PALM2AKAP2: variants seen among roughly 807,000 people sequenced by gnomAD.
PALM2AKAP2 encodes PALM2-AKAP2 fusion protein.
A neutral mutation model predicts 71.5 loss-of-function variants in PALM2AKAP2; 37 were observed. The observed-to-expected ratio is 0.52, with a 90% CI of 0.40 to 0.68. PALM2AKAP2 has a LOEUF of 0.68. Ranked by LOEUF, PALM2AKAP2 falls within the 30% of genes least tolerant of loss-of-function variation. The probability of loss-of-function intolerance (pLI) is 0.00; values close to 1 mark genes in which losing one functional copy is unlikely to be tolerated. For synonymous variants in PALM2AKAP2, 468 were observed against 478.8 expected (o/e 0.98, Z 0.29); for missense variants, 1,224 against 1,191.8 (o/e 1.03, Z -0.40).
At chr9:110,042,585 A>T (rs1009870730) in intron 7 of PALM2AKAP2, among the ~76,000 whole-genome samples, 1 of 152,218 alleles carries the variant, frequency 6.6e-6, no homozygotes, top group Non-Finnish European at 1.5e-5. Flanking sequence ...TAGAGTAAGC[A>T]AATGATCTTT....
At chr9:110,100,173 G>A (rs1243087357) in intron 1 of PALM2AKAP2, among the ~76,000 whole-genome samples, 1 of 150,612 alleles carries the variant, frequency 6.6e-6, no homozygotes, top group Non-Finnish European at 1.5e-5. Context: ...TTTATGAAGG[G>A]TAAGAAATTC....
intron 1 of PALM2AKAP2, among the ~76,000 whole-genome samples, chr9:109,660,923 A>G (rs1167134108): frequency 1.3e-5 from 2 of 152,138 alleles, no homozygotes; most frequent in Non-Finnish European, 2.9e-5. Flanking sequence ...ACCAGTGATG[A>G]TGAGCATTTT....
chr9:110,058,922 A>C (rs1833903308), intron 1 of PALM2AKAP2, among the ~76,000 whole-genome samples: 1 of 77,686 alleles, frequency 1.3e-5, no homozygotes, highest in Non-Finnish European at 2.4e-5. Context: ...TTTTTTTGAG[A>C]TGGAGTCTTA....
At chr9:109,837,656 T>C (rs1828519058) in intron 1 of PALM2AKAP2, among the ~76,000 whole-genome samples, 1 of 151,972 alleles carries the variant, frequency 6.6e-6, no homozygotes, top group Non-Finnish European at 1.5e-5. Flanking sequence ...GAGACACACA[T>C]AGGCTCAAAA....
intron 2 of PALM2AKAP2, among the ~76,000 whole-genome samples, chr9:109,879,699 GTT>G (rs369185975): frequency 0.34 from 45,809 of 135,022 alleles, 7,157 homozygotes; most frequent in Non-Finnish European, 0.41. Context: ...GGGATGTATG[GTT>G]TTTTTTTTTT....
chr9:110,042,990 G>A (rs1833534272), intron 7 of PALM2AKAP2, among the ~76,000 whole-genome samples: 1 of 152,014 alleles, frequency 6.6e-6, no homozygotes, highest in Admixed American at 6.5e-5. Context: ...GCAAATACTA[G>A]GTCTTATTCA....
At chr9:110,058,656 C>T (rs568558803) in intron 1 of PALM2AKAP2, among the ~76,000 whole-genome samples, 1 of 152,144 alleles carries the variant, frequency 6.6e-6, no homozygotes. Context: ...GTTTCTTACT[C>T]AACTCCTTCA....
chr9:109,713,850 T>C (rs1828277689), intron 1 of PALM2AKAP2, among the ~76,000 whole-genome samples: 2 of 152,182 alleles, frequency 1.3e-5, no homozygotes, highest in African/African-American at 4.8e-5. Flanking sequence ...ACATATTACA[T>C]TTTTCAAAGC....
At chr9:109,856,181 C>T (rs1829159814) in intron 1 of PALM2AKAP2, among the ~76,000 whole-genome samples, 1 of 151,976 alleles carries the variant, frequency 6.6e-6, no homozygotes, top group African/African-American at 2.4e-5. Context: ...AGCAGTTCTG[C>T]TGGTAGAAAT....
chr9:110,137,764 A>C, exon 2 of PALM2AKAP2: 1 of 1,614,176 alleles, frequency 6.2e-7, no homozygotes, highest in Non-Finnish European at 8.5e-7. Flanking sequence ...CCAATGAGAC[A>C]ACCAATGCCC....
At chr9:109,931,956 C>T (rs1300930077) in exon 6 of PALM2AKAP2, 3 of 1,613,998 alleles carry the variant, frequency 1.9e-6, no homozygotes, top group African/African-American at 2.7e-5. Flanking sequence ...CTCCCAGCTT[C>T]CCGACCTGCC....
chr9:110,019,132 A>G (rs753244519), intron 7 of PALM2AKAP2, among the ~76,000 whole-genome samples: 1 of 150,394 alleles, frequency 6.6e-6, no homozygotes, highest in African/African-American at 2.4e-5. Context: ...CAAAGCTACT[A>G]GGGAGGCTGA....
intron 3 of PALM2AKAP2, among the ~76,000 whole-genome samples, chr9:109,883,731 C>T (rs1587983682): frequency 2.0e-5 from 3 of 152,338 alleles, no homozygotes; most frequent in Admixed American, 2.0e-4. Context: ...TCTAAAGGCT[C>T]ATTGCAAACA....
At position 110,116,064 on chromosome 9, in the gene PALM2AKAP2, A is replaced by T. The variant is rs191799713; in HGVS notation, c.157-20063A>T. 6.6e-5 allele frequency among the ~76,000 whole-genome samples: 10 copies of T among 152,294 alleles called. No homozygotes were observed. In the South Asian group the frequency reaches 2.1e-3, roughly 32 times the overall value. ...GAGACCTGTTCTGTTCCCTGGACTC[A>T]GCTCCCATAGAGTCCACCACTGACC... is the stretch of plus-strand genomic sequence containing the variant. On this transcript the variant is annotated intron_variant, in intron 1 of 3. Transcript: ENST00000374525.
intron 1 of PALM2AKAP2, among the ~76,000 whole-genome samples, chr9:109,839,635 C>A (rs1185344035): frequency 6.6e-6 from 1 of 152,146 alleles, no homozygotes; most frequent in Non-Finnish European, 1.5e-5. Flanking sequence ...ATTTAGAAAA[C>A]CCCAAATCTC....
chr9:110,071,663 T>C (rs75756123), intron 1 of PALM2AKAP2, among the ~76,000 whole-genome samples: 2,034 of 152,346 alleles, frequency 0.013, 38 homozygotes, highest in African/African-American at 0.047. Context: ...CAATGATTGC[T>C]CTATGCCCTG....
At chr9:110,157,120 C>G (rs548114380) in intron 3 of PALM2AKAP2, among the ~76,000 whole-genome samples, 1 of 152,298 alleles carries the variant, frequency 6.6e-6, no homozygotes, top group East Asian at 1.9e-4. Flanking sequence ...AAGTCACATG[C>G]TCTGTGGTTT....
chr9:110,112,621 A>T (rs1835277190), intron 1 of PALM2AKAP2, among the ~76,000 whole-genome samples: 1 of 152,246 alleles, frequency 6.6e-6, no homozygotes, highest in African/African-American at 2.4e-5. Context: ...GATAAAGTAG[A>T]AAAAGAATCT....
At position 110,000,734 on chromosome 9, in the gene PALM2AKAP2, A is replaced by G. The variant is rs377194782; in HGVS notation, c.497-15220A>G. Among the ~76,000 whole-genome samples, 3 of 152,056 alleles carry G rather than the reference A, an allele frequency of 2.0e-5. 1 individual carries two copies. Among genetic ancestry groups the G allele is most frequent in the Non-Finnish European group, 4.4e-5 (3 of 68,002 alleles). ...CTGGTGTGAGATGGTATCTCATTGTAGTTTTGATTTGCATTTCTCTGATAA... is the reference window on the plus strand; with the variant it reads ...CTGGTGTGAGATGGTATCTCATTGTGGTTTTGATTTGCATTTCTCTGATAA... On this transcript the variant is annotated intron_variant, in intron 6 of 9. Transcript: ENST00000302798.
Sources: allele counts gnomAD v4.1 joint callset (sites outside exome capture counted in the v4.1 genomes callset), GRCh38; gene constraint gnomAD v4.1.1; transcripts MANE v1.5; gene names NCBI Gene and HGNC (gene_info 2026-07-23, HGNC 2026-07-21).